The following FSD1L variants were observed in gnomAD, a reference collection of about 807,000 sequenced individuals.
The protein encoded by FSD1L is fibronectin type III and SPRY domain containing 1 like, also known as FSD1-like protein.
In FSD1L, 45 loss-of-function variants were observed where a neutral mutation model predicts 71.6. The observed-to-expected ratio is 0.63, with a 90% confidence interval of 0.49 to 0.81. The LOEUF is 0.81. Among genes scored for constraint, FSD1L ranks in the 30% least tolerant of loss-of-function variants. The pLI is 0.00. For missense variants in FSD1L, 561 were observed against 618.1 expected (o/e 0.91, Z 0.98); for synonymous variants, 197 against 207.2 (o/e 0.95, Z 0.42).
intron 10 of FSD1L, among the ~76,000 whole-genome samples, chr9:105,517,440 C>G (rs1169245556): frequency 6.6e-6 from 1 of 152,098 alleles, no homozygotes; most frequent in Non-Finnish European, 1.5e-5. Flanking sequence ...AAAGGGAAGC[C>G]CATCAGACTA....
chr9:105,522,706 G>C, intron 10 of FSD1L: 1 of 1,606,256 alleles, frequency 6.2e-7, no homozygotes, highest in Non-Finnish European at 8.5e-7. Flanking sequence ...GAGGACATGA[G>C]CCAAAAACTG....
At chr9:105,540,321 A>G (rs1464022067) in intron 13 of FSD1L, among the ~76,000 whole-genome samples, 1 of 151,890 alleles carries the variant, frequency 6.6e-6, no homozygotes, top group Non-Finnish European at 1.5e-5. Flanking sequence ...TATTTCTATT[A>G]GGTTGTCTTC....
At chr9:105,495,550 C>T (rs187842730) in intron 7 of FSD1L, among the ~76,000 whole-genome samples, 68 of 152,330 alleles carry the variant, frequency 4.5e-4, no homozygotes, top group African/African-American at 1.4e-3. Flanking sequence ...GAGATGAACC[C>T]GGTACCTCAG....
At position 105,471,897 on chromosome 9, in the gene FSD1L, TCCCTAG is replaced by T; in HGVS notation, c.340-6_340-1del. On this transcript the variant is annotated splice_acceptor_variant and splice_polypyrimidine_tract_variant and intron_variant, in intron 4 of 13. Coordinates refer to ENST00000481272, the MANE Select transcript of FSD1L (RefSeq NM_001145313.3). LOFTEE classifies it high-confidence loss of function. ...TAATGACTTAGTTTTTTTTTTTTTTTCCCTAGAGTCAGATTAGTCAATGTAATAATG... is the reference window on the plus strand; with the variant it reads ...TAATGACTTAGTTTTTTTTTTTTTTTAGTCAGATTAGTCAATGTAATAATG... 8.8e-7 allele frequency: 1 copy of T among 1,133,122 alleles called. No individual in the cohort carries two copies. The highest frequency in any genetic ancestry group is 1.2e-6 in the Non-Finnish European group (1 of 845,358). The allele number at this position is 1,133,122 out of a possible 1,614,324, so 70.2% of individuals were successfully genotyped here.
intron 1 of FSD1L, among the ~76,000 whole-genome samples, chr9:105,459,789 G>T (rs1830574776): frequency 1.3e-5 from 2 of 152,196 alleles, no homozygotes; most frequent in South Asian, 4.1e-4. Context: ...GTCCTCTACA[G>T]CTGGCTTGTC....
intron 10 of FSD1L, chr9:105,524,042 G>A (rs1835350121): frequency 6.2e-7 from 1 of 1,605,384 alleles, no homozygotes; most frequent in Admixed American, 1.7e-5. Context: ...ATGTTGCTGT[G>A]TCTCAGTTTA....
chr9:105,476,764 G>A (rs1209582405), intron 5 of FSD1L, among the ~76,000 whole-genome samples: 2 of 151,984 alleles, frequency 1.3e-5, no homozygotes, highest in Non-Finnish European at 2.9e-5. Context: ...TGTTTTGAGA[G>A]AATTCTAGAA....
At chr9:105,516,419 A>T (rs551146308) in intron 10 of FSD1L, among the ~76,000 whole-genome samples, 8 of 152,310 alleles carry the variant, frequency 5.3e-5, no homozygotes, top group African/African-American at 1.4e-4. Context: ...GTAGGTGCCG[A>T]TAGATACCTC....
chr9:105,528,106 G>C (rs904665889), intron 10 of FSD1L, among the ~76,000 whole-genome samples: 2 of 152,162 alleles, frequency 1.3e-5, no homozygotes, highest in African/African-American at 4.8e-5. Flanking sequence ...CATCTTCAAG[G>C]AGAACTACAA....
intron 6 of FSD1L, among the ~76,000 whole-genome samples, chr9:105,480,936 A>G (rs924965272): frequency 1.3e-5 from 2 of 152,098 alleles, no homozygotes; most frequent in Non-Finnish European, 2.9e-5. Flanking sequence ...AAGATTCTAT[A>G]TGGCTCTTTG....
At chr9:105,503,581 A>G (rs1011953331) in intron 7 of FSD1L, among the ~76,000 whole-genome samples, 1 of 152,226 alleles carries the variant, frequency 6.6e-6, no homozygotes. Context: ...AAATTCTTCA[A>G]CTAATTTCTA....
At chr9:105,448,962 A>G (rs1335244215) in intron 1 of FSD1L, among the ~76,000 whole-genome samples, 1 of 152,228 alleles carries the variant, frequency 6.6e-6, no homozygotes, top group Non-Finnish European at 1.5e-5. Context: ...GAACAAAGCC[A>G]ATGTCTTGAA....
At chr9:105,472,815 T>G (rs1831559812) in intron 5 of FSD1L, 2 of 152,230 alleles carry the variant, frequency 1.3e-5, no homozygotes, top group South Asian at 4.1e-4. Context: ...TCTTTGGATA[T>G]TAAAATTGAA....
chr9:105,448,191 G>A lies in FSD1L; in HGVS notation c.-30G>A, dbSNP rs1272364532. 6.5e-7 allele frequency: 1 copy of A among 1,541,936 alleles called. No individual in the cohort carries two copies. Among genetic ancestry groups the A allele is most frequent in the Non-Finnish European group, 8.8e-7 (1 of 1,142,046 alleles). On this transcript the variant is annotated 5_prime_UTR_variant, in exon 1 of 14. Transcript: ENST00000481272. ...CTCCTCACACGGTTCGTCGTCTCGG[G>A]TTCGAGCCCAGTGGGCTTAGCCACT... is the stretch of plus-strand genomic sequence containing the variant.
upstream of FSD1L, among the ~76,000 whole-genome samples, chr9:105,444,616 C>T (rs1377529332): frequency 1.3e-5 from 2 of 152,206 alleles, no homozygotes; most frequent in Admixed American, 6.5e-5. Context: ...AGACTCTCTA[C>T]ATCAGCCTTT....
At chr9:105,510,303 CTTCAGGGAGTTCCAGAATAAA>C (rs1834319580) in intron 9 of FSD1L, among the ~76,000 whole-genome samples, 1 of 152,150 alleles carries the variant, frequency 6.6e-6, no homozygotes, top group Non-Finnish European at 1.5e-5. Flanking sequence ...TGATTCTGAC[CTTCAGGGAGTTCCAGAATAAA>C]GTTAGACTCC....
Position 105,489,971 on chromosome 9 carries a change from G to C in FSD1L, c.586+5469G>C, listed in dbSNP as rs535702990. Among the ~76,000 whole-genome samples, 39 of 152,242 alleles carry C rather than the reference G, an allele frequency of 2.6e-4. No homozygotes were observed. In the East Asian group the frequency reaches 7.1e-3, roughly 28 times the overall value. On this transcript the variant is annotated intron_variant, in intron 7 of 13. Coordinates refer to ENST00000481272, the MANE Select transcript of FSD1L (RefSeq NM_001145313.3). ...ATAGTGCTGCAATAAACATACGTGT[G>C]CATGTGTCTTTATAGCAGCATGATT...
intron 13 of FSD1L, among the ~76,000 whole-genome samples, chr9:105,541,594 T>A (rs764696673): frequency 6.6e-6 from 1 of 152,216 alleles, no homozygotes; most frequent in South Asian, 2.1e-4. Context: ...ATTGAAGGCT[T>A]GCTTTTATTA....
In FSD1L at chr9:105,479,339, C is replaced by T; in HGVS notation, c.442-15C>T. ...CTAACTTGCCTTCTTTCTCTTCTCCCTGATTGGCTCCAAGGCTGCCAGACA... is the reference window on the plus strand; with the variant it reads ...CTAACTTGCCTTCTTTCTCTTCTCCTTGATTGGCTCCAAGGCTGCCAGACA... On this transcript the variant is annotated splice_polypyrimidine_tract_variant and intron_variant, in intron 5 of 13. Coordinates refer to ENST00000481272, the MANE Select transcript of FSD1L (RefSeq NM_001145313.3). The T allele has an allele frequency of 6.4e-7, 1 of 1,550,424 alleles. No homozygotes were observed. The highest frequency in any genetic ancestry group is 2.0e-5 in the Admixed American group (1 of 50,946).
Sources: gnomAD v4.1 joint callset for allele counts (sites outside exome capture counted in the v4.1 genomes callset) on GRCh38, gnomAD v4.1.1 for gene constraint, MANE v1.5 for transcripts, NCBI Gene and HGNC (gene_info 2026-07-23, HGNC 2026-07-21) for gene names.